The following SLC66A1 variants were observed in gnomAD, a reference collection of about 807,000 sequenced individuals.
SLC66A1 encodes the protein solute carrier family 66 member 1, also known as lysosomal amino acid transporter 1 homolog.
SLC66A1 carries 23 observed loss-of-function variants against 33.0 expected under a neutral mutation model. The observed-to-expected ratio is 0.70, with a 90% CI of 0.50 to 0.99. The LOEUF (loss-of-function observed/expected upper bound fraction) is 0.99. Among genes scored for constraint, SLC66A1 ranks in the 50% least tolerant of loss-of-function variants. The pLI, the probability that SLC66A1 is intolerant of heterozygous loss-of-function variation, is 0.00. For missense variants in SLC66A1, 335 were observed against 383.6 expected (o/e 0.87, Z 1.06); for synonymous variants, 164 against 175.5 (o/e 0.93, Z 0.52).
intron 2 of SLC66A1, among the ~76,000 whole-genome samples, chr1:19,323,813 C>G (rs946252491): frequency 1.3e-5 from 2 of 152,180 alleles, no homozygotes; most frequent in Non-Finnish European, 2.9e-5. Flanking sequence ...AGAGCAAGAC[C>G]GGAGGCTCAG....
intron 1 of SLC66A1, among the ~76,000 whole-genome samples, chr1:19,315,201 G>A (rs780145592): frequency 6.6e-5 from 10 of 152,196 alleles, no homozygotes; most frequent in South Asian, 4.1e-4. Flanking sequence ...GAACCACTGC[G>A]CCCGGCCACA....
At chr1:19,320,949 G>A (rs1449939831) in intron 2 of SLC66A1, among the ~76,000 whole-genome samples, 2 of 149,748 alleles carry the variant, frequency 1.3e-5, no homozygotes, top group East Asian at 1.9e-4. Context: ...CTGATCTCAG[G>A]TGATCTGCCT....
chr1:19,325,438 G>C (rs561441036), intron 3 of SLC66A1, 57 bp from the exon 4 acceptor site: 15 of 1,249,502 alleles, frequency 1.2e-5, no homozygotes, highest in Non-Finnish European at 1.8e-5. Flanking sequence ...GGCTGCCGGG[G>C]CGTGGTCTCA....
chr1:19,332,422 C>G (rs1277153061), downstream of SLC66A1, among the ~76,000 whole-genome samples: 1 of 152,202 alleles, frequency 6.6e-6, no homozygotes, highest in East Asian at 1.9e-4. Context: ...GCTATATTTG[C>G]TTGTCATCAG....
In SLC66A1 at chr1:19,324,774, C is replaced by T; in HGVS notation, c.294+12C>T. On this transcript the variant is annotated intron_variant, in intron 3 of 7. Transcript: ENST00000375153. ...AGCTGCCCCTGCAGGTGGGCCGGTA[C>T]CCGGGCAAGGTGGCGCTACCCCTAA... The T allele has an allele frequency of 6.2e-7, 1 of 1,613,734 alleles. No homozygotes were observed. The highest frequency in any genetic ancestry group is 8.5e-7 in the Non-Finnish European group (1 of 1,179,858).
Position 19,317,825 on chromosome 1 carries a change from G to A in SLC66A1, c.148G>A (p.Ala50Thr). ...GLGLISILCFAASTFPQFIKA... is the reference protein window; with the variant it reads ...GLGLISILCFTASTFPQFIKA... ...GGGCTTGATCTCCATTCTCTGCTTT[G>A]CTGCATCTACCTTCCCGTGAGTAGT... The change falls in exon 2 of 8, where the codon GCT becomes ACT. Residue 50 changes from alanine to threonine, a missense_variant. Ala to Thr is a moderately conservative substitution (Grantham distance 58). Transcript: ENST00000375153. The A allele has an allele frequency of 6.2e-7, 1 of 1,614,004 alleles. No homozygotes were observed.
At chr1:19,331,099 C>A (rs1243713888), downstream of SLC66A1, among the ~76,000 whole-genome samples, 1 of 152,206 alleles carries the variant, frequency 6.6e-6, no homozygotes, top group Non-Finnish European at 1.5e-5. Context: ...GCAACCTCCG[C>A]CTCCCGGGTT....
intron 2 of SLC66A1, among the ~76,000 whole-genome samples, chr1:19,318,919 G>T (rs939221134): frequency 6.6e-6 from 1 of 152,206 alleles, no homozygotes; most frequent in Non-Finnish European, 1.5e-5. Context: ...AGCAGTTCAG[G>T]CAGAGGAAGC....
rs781373969 is a variant in SLC66A1 at position 19,327,190 on chromosome 1, T to C, written c.619-37T>C. The C allele has an allele frequency of 5.8e-6, 9 of 1,556,242 alleles. No homozygotes were observed. The South Asian group carries it at 9.0e-5, about 16-fold the overall frequency. ...TTACAATCCAGAGTGACAAGAGGCC[T>C]GTTCGAGGTCTCTGACCTGACCTCC... On this transcript the variant is annotated intron_variant, in intron 6 of 7. Coordinates refer to ENST00000375153, the MANE Select transcript of SLC66A1 (RefSeq NM_001040125.2).
At chr1:19,329,714 G>A (rs1264591904), downstream of SLC66A1, among the ~76,000 whole-genome samples, 3 of 152,232 alleles carry the variant, frequency 2.0e-5, no homozygotes, top group African/African-American at 7.2e-5. Context: ...TTTAGCCCCA[G>A]ATCTGGCGCA....
chr1:19,327,562 T>TCCCTCCCTCCCTCCCTCCCTCCC, intron 7 of SLC66A1, 150 bp downstream of exon 7: 1 of 859,908 alleles, frequency 1.2e-6, no homozygotes, highest in Admixed American at 2.7e-5. Context: ...CCTCCATCTG[T>TCCCTCCCTCCCTCCCTCCCTCCC]TCACCCAGTC....
Position 19,317,615 on chromosome 1 carries a change from C to T in SLC66A1, c.-63C>T. 1.3e-6 allele frequency: 2 copies of T among 1,586,176 alleles called. No individual in the cohort carries two copies. Among genetic ancestry groups the T allele is most frequent in the Admixed American group, 3.5e-5 (2 of 57,198 alleles). On this transcript the variant is annotated 5_prime_UTR_variant, in exon 2 of 8. Transcript: ENST00000375153. ...CTCCCTGTAGAACCCTTGCTGGCCTCAGAACACCAGCGCCCTCCCTCCGGT... is the reference window on the plus strand; with the variant it reads ...CTCCCTGTAGAACCCTTGCTGGCCTTAGAACACCAGCGCCCTCCCTCCGGT...
At chr1:19,327,534 T>TCCCTCCCTCCCG in intron 7 of SLC66A1, 122 bp downstream of exon 7, 2 of 908,774 alleles carry the variant, frequency 2.2e-6, no homozygotes, top group Non-Finnish European at 3.3e-6. Context: ...CATCCATCCC[T>TCCCTCCCTCCCG]CCCTCCCTCC....
At chr1:19,329,916 G>A (rs1469757101), downstream of SLC66A1, among the ~76,000 whole-genome samples, 1 of 152,036 alleles carries the variant, frequency 6.6e-6, no homozygotes, top group Non-Finnish European at 1.5e-5. Context: ...AGGTGGGAGA[G>A]TGGAGAGGAG....
downstream of SLC66A1, among the ~76,000 whole-genome samples, chr1:19,331,758 G>T: frequency 6.6e-6 from 1 of 152,244 alleles, no homozygotes; most frequent in East Asian, 1.9e-4. Flanking sequence ...AGATCTGGGG[G>T]CACAGTATAG....
chr1:19,320,780 T>G (rs1419607388), intron 2 of SLC66A1, among the ~76,000 whole-genome samples: 2 of 148,460 alleles, frequency 1.3e-5, no homozygotes, highest in Non-Finnish European at 3.0e-5. Flanking sequence ...CAGTGCAATC[T>G]TGGCTCACTG....
At chr1:19,315,854 A>C (rs2093802294) in intron 1 of SLC66A1, among the ~76,000 whole-genome samples, 1 of 150,152 alleles carries the variant, frequency 6.7e-6, no homozygotes, top group Non-Finnish European at 1.5e-5. Context: ...CTTGGGTTTG[A>C]CTCTGTAGTT....
downstream of SLC66A1, among the ~76,000 whole-genome samples, chr1:19,330,196 C>T (rs1217078057): frequency 7.2e-5 from 11 of 152,000 alleles, no homozygotes; most frequent in Non-Finnish European, 1.3e-4. Context: ...AGCACAGAGA[C>T]GCCAGCTCCC....
chr1:19,319,572 G>A (rs1036663383), intron 2 of SLC66A1, among the ~76,000 whole-genome samples: 1 of 143,814 alleles, frequency 7.0e-6, no homozygotes, highest in African/African-American at 2.7e-5. Context: ...CTACTTTGTA[G>A]CCATTATGAT....
Sources: allele counts gnomAD v4.1 joint callset (sites outside exome capture counted in the v4.1 genomes callset), GRCh38; gene constraint gnomAD v4.1.1; transcripts MANE v1.5; gene names NCBI Gene and HGNC (gene_info 2026-07-23, HGNC 2026-07-21).